DHX34: variants seen among roughly 807,000 people sequenced by gnomAD.
DHX34 encodes the protein DExH-box helicase 34, also known as probable ATP-dependent RNA helicase DHX34.
In DHX34, 96 loss-of-function variants were observed where a neutral mutation model predicts 111.1. The observed-to-expected ratio is 0.86, with a 90% CI of 0.73 to 1.02. The LOEUF is 1.02. Ranked by LOEUF, DHX34 falls within the 50% of genes least tolerant of loss-of-function variation. The pLI, the probability that DHX34 is intolerant of heterozygous loss-of-function variation, is 0.00. For missense variants in DHX34, 1,560 were observed against 1,579.9 expected (o/e 0.99, Z 0.21); for synonymous variants, 688 against 670.4 (o/e 1.03, Z -0.41).
At chr19:47,366,763 G>T (rs547262382) in intron 6 of DHX34, 3 of 790,174 alleles carry the variant, frequency 3.8e-6, no homozygotes, top group Non-Finnish European at 4.6e-6. Context: ...TAGTAGAGAC[G>T]GGGTTTCACC....
intron 4 of DHX34, 142 bp from the exon 5 acceptor site, chr19:47,359,826 G>A: frequency 6.7e-7 from 1 of 1,501,604 alleles, no homozygotes; most frequent in African/African-American, 1.4e-5. Context: ...GGGGTGGACG[G>A]TGAGCCATCT....
At chr19:47,364,405 C>T (rs1400368112) in intron 6 of DHX34, among the ~76,000 whole-genome samples, 1 of 151,892 alleles carries the variant, frequency 6.6e-6, no homozygotes, top group Non-Finnish European at 1.5e-5. Context: ...GAGGTGCACA[C>T]TATTTTCTAT....
intron 11 of DHX34, 73 bp from the exon 12 acceptor site, chr19:47,376,370 G>A: frequency 6.4e-7 from 1 of 1,557,906 alleles, no homozygotes; most frequent in South Asian, 1.2e-5. Context: ...TGGGCCAGAG[G>A]GTGGAGGAGA....
At chr19:47,375,244 C>G in intron 9 of DHX34, 1 of 978,236 alleles carries the variant, frequency 1.0e-6, no homozygotes, top group Non-Finnish European at 1.2e-6. Flanking sequence ...ACTGGACGCC[C>G]GCACCTGCCT....
rs1436409741 is a variant in DHX34 at position 47,357,432 on chromosome 19, GCT to G, written c.1018-433_1018-432del. ...TTCAGAAATTATCTAGCTGGAGTGTGCTGTCTGTCACCTGACTGTTTCTCAAT... is the reference window on the plus strand; with the variant it reads ...TTCAGAAATTATCTAGCTGGAGTGTGGTCTGTCACCTGACTGTTTCTCAAT... On this transcript the variant is annotated intron_variant, in intron 3 of 16. Coordinates refer to ENST00000328771, the MANE Select transcript of DHX34 (RefSeq NM_014681.6). Among the ~76,000 whole-genome samples, 3 of 151,966 alleles carry G rather than the reference GCT, an allele frequency of 2.0e-5. No homozygotes were observed. In the South Asian group the frequency reaches 6.2e-4, roughly 32 times the overall value.
chr19:47,360,146 G>A, intron 5 of DHX34, 76 bp downstream of exon 5: 1 of 1,391,478 alleles, frequency 7.2e-7, no homozygotes, highest in Non-Finnish European at 1.0e-6. Context: ...TGCGTGTGTG[G>A]CAGGGGCGCA....
chr19:47,370,455 C>A (rs1969930575), intron 7 of DHX34, among the ~76,000 whole-genome samples: 1 of 152,194 alleles, frequency 6.6e-6, no homozygotes, highest in Admixed American at 6.5e-5. Context: ...CCGGGGAGCT[C>A]ACTGACTGAG....
In DHX34 at chr19:47,355,108, C is replaced by T; in HGVS notation, c.775C>T (p.Leu259=). 3.1e-6 allele frequency: 5 copies of T among 1,614,070 alleles called. No individual in the cohort carries two copies. Among genetic ancestry groups the T allele is most frequent in the Non-Finnish European group, 4.2e-6 (5 of 1,180,020 alleles). Residue 259 remains leucine (L), a synonymous_variant, in exon 3 of 17, where the codon CTG becomes TTG. Coordinates refer to ENST00000328771, the MANE Select transcript of DHX34 (RefSeq NM_014681.6). ...ATKIVFLTVG[L]LLRQIQREPS... is the part of the protein sequence containing the mutation. ...CAAGATTGTATTCCTGACAGTGGGG[C>T]TGCTCCTGCGACAAATCCAGCGGGA... is the stretch of plus-strand genomic sequence containing the variant.
chr19:47,354,016 GC>G (rs1265916507), intron 2 of DHX34, among the ~76,000 whole-genome samples: 2 of 152,188 alleles, frequency 1.3e-5, no homozygotes, highest in African/African-American at 2.4e-5. Context: ...AGGCTGGAGT[GC>G]ATTGGTGCGA....
intron 11 of DHX34, 71 bp from the exon 12 acceptor site, chr19:47,376,372 T>A: frequency 1.3e-6 from 2 of 1,558,416 alleles, no homozygotes; most frequent in Non-Finnish European, 1.7e-6. Context: ...GGCCAGAGGG[T>A]GGAGGAGAGG....
In DHX34 at chr19:47,367,501, A is replaced by G. The variant is rs150586437; in HGVS notation, c.1768+346A>G. Among the ~76,000 whole-genome samples, 477 of 152,320 alleles carry G rather than the reference A, an allele frequency of 3.1e-3. 4 individuals are homozygous for G. Among genetic ancestry groups the G allele is most frequent in the African/African-American group, 0.011 (455 of 41,586 alleles). On this transcript the variant is annotated intron_variant, in intron 7 of 16. Coordinates refer to ENST00000328771, the MANE Select transcript of DHX34 (RefSeq NM_014681.6). ...GCAGTTTGTAATACAGGCCTCATGT[A>G]TAAGGCAGACCTCATGGGGAAGGTA...
chr19:47,355,092 A>G lies in DHX34; in HGVS notation c.759A>G (p.Val253=). 4 of 1,613,692 alleles carry G rather than the reference A, an allele frequency of 2.5e-6. No individual in the cohort carries two copies. The highest frequency in any genetic ancestry group is 3.4e-6 in the Non-Finnish European group (4 of 1,179,970). ...CACGTTCGGCGGCCACCAAGATTGT[A>G]TTCCTGACAGTGGGGCTGCTCCTGC... ...ESTRSAATKI[V]FLTVGLLLRQ... is the part of the protein sequence containing the mutation. Residue 253 remains valine (V), a synonymous_variant, in exon 3 of 17, where the codon GTA becomes GTG. Coordinates refer to ENST00000328771, the MANE Select transcript of DHX34 (RefSeq NM_014681.6).
chr19:47,381,242 T>C lies in DHX34; in HGVS notation c.3216T>C (p.Cys1072=), dbSNP rs1375429825. The change falls in exon 16 of 17, where the codon TGT becomes TGC. Residue 1072 remains cysteine, a synonymous_variant. Coordinates refer to ENST00000328771, the MANE Select transcript of DHX34 (RefSeq NM_014681.6). ...GAACCTTCTGGACCTGCCCCCACTG[T>C]GGCCTGCATGCGCCCCTCACGCCCC... The part of the protein sequence containing the change: ...CLRTFWTCPH[C]GLHAPLTPLE... 11 of 1,614,090 alleles carry C rather than the reference T, an allele frequency of 6.8e-6. No homozygotes were observed. Among genetic ancestry groups the C allele is most frequent in the Non-Finnish European group, 9.3e-6 (11 of 1,179,944 alleles).
chr19:47,368,664 A>C (rs955487564), intron 7 of DHX34, among the ~76,000 whole-genome samples: 10 of 149,318 alleles, frequency 6.7e-5, no homozygotes, highest in African/African-American at 9.9e-5. Flanking sequence ...ACACACACAT[A>C]CACACACATA....
chr19:47,378,627 CA>C (rs1223066947), intron 13 of DHX34, among the ~76,000 whole-genome samples: 1 of 152,018 alleles, frequency 6.6e-6, no homozygotes, highest in Non-Finnish European at 1.5e-5. Flanking sequence ...CCCAGGAGTT[CA>C]AAGGCAGCCT....
chr19:47,352,757 C>G lies in DHX34; in HGVS notation c.-274C>G, dbSNP rs1969324579. 2.1e-6 allele frequency: 1 copy of G among 486,632 alleles called. No individual in the cohort carries two copies. The highest frequency in any genetic ancestry group is 3.8e-5 in the Admixed American group (1 of 26,468). 30.1% of individuals were successfully genotyped at this position (486,632 alleles called of 1,614,324 possible). On this transcript the variant is annotated 5_prime_UTR_variant, in exon 2 of 17. The change creates a new upstream start codon in the 5' untranslated region. Coordinates refer to ENST00000328771, the MANE Select transcript of DHX34 (RefSeq NM_014681.6). ...GTCTTCTGTTCTCTCTCTTAAGAATCCAGGGCCTGAAAACCCAGAATGAAC... is the reference window on the plus strand; with the variant it reads ...GTCTTCTGTTCTCTCTCTTAAGAATGCAGGGCCTGAAAACCCAGAATGAAC...
Position 47,376,102 on chromosome 19 carries a change from G to A in DHX34, c.2481+5G>A. 1 of 1,548,320 alleles carries A rather than the reference G, an allele frequency of 6.5e-7. No homozygotes were observed. Among genetic ancestry groups the A allele is most frequent in the Non-Finnish European group, 8.7e-7 (1 of 1,149,282 alleles). On this transcript the variant is annotated splice_donor_5th_base_variant and intron_variant, in intron 11 of 16. Coordinates refer to ENST00000328771, the MANE Select transcript of DHX34 (RefSeq NM_014681.6). ...AGCCGAAAGGACTCAGACCAGGTGG[G>A]GCCTGTTCTGCCCCATCCTATGTTT...
At position 47,375,716 on chromosome 19, in the gene DHX34, C is replaced by T. The variant is rs1378494372; in HGVS notation, c.2307+8C>T. ...GATGGCGTGGACATCCAGGTGGGCG[C>T]CATGGGCTGTGGGGTGTGGGGGTTT... On this transcript the variant is annotated splice_region_variant and intron_variant, in intron 10 of 16. Transcript: ENST00000328771. 2 of 1,562,448 alleles carry T rather than the reference C, an allele frequency of 1.3e-6. No homozygotes were observed. The highest frequency in any genetic ancestry group is 2.3e-5 in the East Asian group (1 of 42,660).
At chr19:47,372,588 T>C in intron 7 of DHX34, 142 bp from the exon 8 acceptor site, 9 of 1,407,526 alleles carry the variant, frequency 6.4e-6, no homozygotes, top group East Asian at 2.7e-5. Context: ...TGAATCTCCA[T>C]CTGGGTCACA....
Sources: gnomAD v4.1 joint callset for allele counts (sites outside exome capture counted in the v4.1 genomes callset) on GRCh38, gnomAD v4.1.1 for gene constraint, MANE v1.5 for transcripts, NCBI Gene and HGNC (gene_info 2026-07-23, HGNC 2026-07-21) for gene names.